The following BMAL1 variants were observed in gnomAD, a reference collection of about 807,000 sequenced individuals.
BMAL1 encodes the protein basic helix-loop-helix ARNT like 1, also known as basic helix-loop-helix ARNT-like protein 1.
At chr11:13,362,163 C>T in the BMAL1 span, among the ~76,000 whole-genome samples, 6 of 152,170 alleles carry the variant, frequency 3.9e-5, no homozygotes, top group Admixed American at 3.9e-4. Context: ...ACTCCCACAA[C>T]CCAATATAGT....
the BMAL1 span, among the ~76,000 whole-genome samples, chr11:13,338,310 C>T: frequency 1.6e-4 from 24 of 152,176 alleles, no homozygotes; most frequent in East Asian, 5.8e-4. Flanking sequence ...TACATTCAGA[C>T]GAACATTTTA....
the BMAL1 span, among the ~76,000 whole-genome samples, chr11:13,284,462 C>T: frequency 2.0e-5 from 3 of 150,416 alleles, no homozygotes; most frequent in South Asian, 2.1e-4. Context: ...ATATAATTAA[C>T]CTCAGATTTG....
At chr11:13,309,308 C>T in the BMAL1 span, among the ~76,000 whole-genome samples, 9 of 151,766 alleles carry the variant, frequency 5.9e-5, no homozygotes, top group Non-Finnish European at 1.0e-4. Context: ...CGGGGGAAAC[C>T]ATGCAAGCTG....
chr11:13,309,820 C>G, the BMAL1 span, among the ~76,000 whole-genome samples: 1 of 152,234 alleles, frequency 6.6e-6, no homozygotes, highest in African/African-American at 2.4e-5. Context: ...GCCTGGCCTG[C>G]CTGGAACACT....
the BMAL1 span, among the ~76,000 whole-genome samples, chr11:13,286,287 T>C: frequency 1.3e-5 from 2 of 152,208 alleles, no homozygotes; most frequent in Non-Finnish European, 2.9e-5. Flanking sequence ...TTTCAGTCTG[T>C]TAAAGTTTTA....
chr11:13,337,750 G>A, the BMAL1 span, among the ~76,000 whole-genome samples: 1 of 152,208 alleles, frequency 6.6e-6, no homozygotes, highest in Middle Eastern at 3.4e-3. Flanking sequence ...CCTATTCATA[G>A]TCTCTGCTTA....
the BMAL1 span, among the ~76,000 whole-genome samples, chr11:13,299,251 C>T: frequency 2.6e-5 from 4 of 152,222 alleles, no homozygotes; most frequent in East Asian, 5.8e-4. Context: ...CTGATTGTTT[C>T]ACATATAAGA....
the BMAL1 span, among the ~76,000 whole-genome samples, chr11:13,336,478 G>A: frequency 2.0e-5 from 3 of 152,156 alleles, no homozygotes; most frequent in Non-Finnish European, 4.4e-5. Flanking sequence ...GAGGTAATGA[G>A]GCTTCTCGTG....
the BMAL1 span, among the ~76,000 whole-genome samples, chr11:13,293,658 T>C: frequency 0.41 from 61,677 of 152,250 alleles, 15,187 homozygotes; most frequent in Non-Finnish European, 0.56. Context: ...GTCAAGGCCT[T>C]GGGCCTATGT....
chr11:13,284,267 T>TATATA, the BMAL1 span, among the ~76,000 whole-genome samples: 388 of 11,740 alleles, frequency 0.033, 45 homozygotes, highest in Middle Eastern at 0.25. Flanking sequence ...TATATATATA[T>TATATA]TTTTTTTTTT....
the BMAL1 span, chr11:13,309,898 A>C: frequency 6.5e-6 from 1 of 152,802 alleles, no homozygotes; most frequent in East Asian, 1.9e-4. Context: ...TAGGCAAAGA[A>C]GCAGAATGGG....
chr11:13,338,948 G>C, the BMAL1 span, among the ~76,000 whole-genome samples: 68 of 152,350 alleles, frequency 4.5e-4, no homozygotes, highest in African/African-American at 1.6e-3. Context: ...AACAGGGCCT[G>C]TGGTGTCACC....
the BMAL1 span, among the ~76,000 whole-genome samples, chr11:13,334,545 T>C: frequency 6.9e-6 from 1 of 144,410 alleles, no homozygotes; most frequent in Non-Finnish European, 1.5e-5. Flanking sequence ...TTTTTTTTCC[T>C]GAACATGGTG....
the BMAL1 span, chr11:13,372,056 T>A: frequency 6.9e-7 from 1 of 1,458,304 alleles, no homozygotes; most frequent in Non-Finnish European, 9.2e-7. Context: ...AGCCTTGATT[T>A]TTTTTTATTT....
chr11:13,375,804 C>G, the BMAL1 span: 1 of 1,504,188 alleles, frequency 6.6e-7, no homozygotes, highest in East Asian at 2.5e-5. Flanking sequence ...TTGCTTCAAA[C>G]AGATGCCTAG....
chr11:13,361,903 A>G, the BMAL1 span, among the ~76,000 whole-genome samples: 1 of 152,176 alleles, frequency 6.6e-6, no homozygotes, highest in Non-Finnish European at 1.5e-5. Context: ...TGTCCTTTTT[A>G]TCAAGAAAGG....
the BMAL1 span, among the ~76,000 whole-genome samples, chr11:13,369,193 C>T: frequency 6.6e-6 from 1 of 152,188 alleles, no homozygotes; most frequent in Admixed American, 6.5e-5. Context: ...CCATATCCTA[C>T]CCATCCTTCA....
At chr11:13,368,347 G>A in the BMAL1 span, among the ~76,000 whole-genome samples, 2 of 152,244 alleles carry the variant, frequency 1.3e-5, no homozygotes, top group Non-Finnish European at 2.9e-5. Flanking sequence ...GGTAATGAAG[G>A]GAGGAACAAA....
chr11:13,289,319 C>T, the BMAL1 span, among the ~76,000 whole-genome samples: 13 of 152,136 alleles, frequency 8.5e-5, no homozygotes, highest in African/African-American at 3.1e-4. Flanking sequence ...GGGAATCTGG[C>T]GCTGTCCACC....
Sources: gnomAD v4.1 joint callset for allele counts (sites outside exome capture counted in the v4.1 genomes callset) on GRCh38, gnomAD v4.1.1 for gene constraint, MANE v1.5 for transcripts, NCBI Gene and HGNC (gene_info 2026-07-23, HGNC 2026-07-21) for gene names.